CHL1: variants seen among roughly 807,000 people sequenced by gnomAD.
CHL1 encodes neural cell adhesion molecule L1-like protein.
A neutral mutation model predicts 141.9 loss-of-function variants in CHL1; 96 were observed. That is an observed-to-expected ratio of 0.68 (90% CI 0.57 to 0.80). The LOEUF (loss-of-function observed/expected upper bound fraction) is 0.80. Among genes scored for constraint, CHL1 ranks in the 30% least tolerant of loss-of-function variants. The probability of loss-of-function intolerance (pLI) is 0.00; values close to 1 mark genes in which losing one functional copy is unlikely to be tolerated. For missense variants in CHL1, 1,820 were observed against 1,457.2 expected, an observed-to-expected ratio of 1.25 and a Z score of -4.05; for synonymous variants, 613 against 502.2, an observed-to-expected ratio of 1.22 and a Z score of -2.95.
rs759398519 is a variant in CHL1 at position 389,313 on chromosome 3, A to C, written c.2309A>C (p.Gln770Pro). Residue 770 changes from glutamine to proline, a missense_variant, in exon 20 of 28, where the codon CAG (glutamine) becomes CCG (proline). Coordinates refer to ENST00000256509, the MANE Select transcript of CHL1 (RefSeq NM_006614.4). ...GLEYRVTWKP[Q>P]GAPVEWEEET... ...GAGTACAGAGTGACCTGGAAGCCAC[A>C]GGGAGCCCCAGTGGAGTGGGAAGAA... The C allele has an allele frequency of 2.8e-5, 45 of 1,614,122 alleles. No individual in the cohort carries two copies. The highest frequency in any genetic ancestry group is 3.4e-5 in the Non-Finnish European group (40 of 1,180,002).
intron 2 of CHL1, among the ~76,000 whole-genome samples, chr3:249,060 T>C (rs1227915961): frequency 6.6e-6 from 1 of 152,212 alleles, no homozygotes; most frequent in East Asian, 1.9e-4. Flanking sequence ...ATGTAAAACA[T>C]TGACACAAAT....
intron 27 of CHL1, among the ~76,000 whole-genome samples, chr3:403,085 C>G (rs1037567177): frequency 2.6e-5 from 4 of 152,144 alleles, no homozygotes; most frequent in Admixed American, 2.6e-4. Flanking sequence ...CATTCCTAGG[C>G]CATTCGTGTG....
chr3:254,414 C>A (rs1693972954), intron 2 of CHL1, among the ~76,000 whole-genome samples: 1 of 152,166 alleles, frequency 6.6e-6, no homozygotes, highest in Non-Finnish European at 1.5e-5. Context: ...CTGATACCCA[C>A]TGAAACTGGG....
chr3:315,447 A>T (rs1452715075), intron 2 of CHL1, among the ~76,000 whole-genome samples: 1 of 152,138 alleles, frequency 6.6e-6, no homozygotes, highest in Non-Finnish European at 1.5e-5. Context: ...TCTCTCCTCC[A>T]TTTCTCAAGG....
chr3:306,703 TG>T (rs1699257417), intron 2 of CHL1, among the ~76,000 whole-genome samples: 1 of 151,998 alleles, frequency 6.6e-6, no homozygotes, highest in Non-Finnish European at 1.5e-5. Flanking sequence ...AAAAAAATAA[TG>T]CAAAAAATAA....
Position 243,878 on chromosome 3 carries a change from C to G in CHL1, c.-174-735C>G, listed in dbSNP as rs1015952959. On this transcript the variant is annotated intron_variant, in intron 1 of 27. Transcript: ENST00000256509. ...CAGCTGGTATGCAAAAAAATGTTGA[C>G]TTATTCCAATCGTTCTGATGCCTAA... Among the ~76,000 whole-genome samples the G allele has an allele frequency of 4.6e-5, 7 of 152,256 alleles. No individual in the cohort carries two copies. In the South Asian group the frequency reaches 8.3e-4, roughly 18 times the overall value.
intron 1 of CHL1, among the ~76,000 whole-genome samples, chr3:214,959 C>T (rs1041829343): frequency 2.2e-5 from 1 of 46,280 alleles, no homozygotes; most frequent in Non-Finnish European, 4.5e-5. Context: ...TGCACGTGCA[C>T]ACACACACAC....
intron 1 of CHL1, among the ~76,000 whole-genome samples, chr3:241,844 A>T (rs1692597747): frequency 6.7e-6 from 1 of 149,482 alleles, no homozygotes; most frequent in East Asian, 2.0e-4. Context: ...ACTTTGAAAA[A>T]AAAACAACTT....
intron 2 of CHL1, among the ~76,000 whole-genome samples, chr3:298,057 T>A (rs1336170368): frequency 6.6e-6 from 1 of 152,228 alleles, no homozygotes; most frequent in East Asian, 1.9e-4. Flanking sequence ...TTCTTCTACC[T>A]GAGTGTATAT....
intron 1 of CHL1, among the ~76,000 whole-genome samples, chr3:199,600 T>A (rs1209692127): frequency 2.0e-5 from 3 of 152,234 alleles, no homozygotes; most frequent in Non-Finnish European, 4.4e-5. Flanking sequence ...TTTAAATAAA[T>A]TTTTAAAATC....
chr3:230,502 CTT>C (rs551069917), intron 1 of CHL1, among the ~76,000 whole-genome samples: 5 of 145,424 alleles, frequency 3.4e-5, no homozygotes, highest in Admixed American at 6.9e-5. Flanking sequence ...AAGTATAAAC[CTT>C]TTTTTTTTTT....
At chr3:302,230 G>A (rs1698816775) in intron 2 of CHL1, among the ~76,000 whole-genome samples, 1 of 152,120 alleles carries the variant, frequency 6.6e-6, no homozygotes, top group African/African-American at 2.4e-5. Context: ...GTCTATCGTA[G>A]AATGATTTAT....
intron 3 of CHL1, among the ~76,000 whole-genome samples, chr3:325,637 T>C (rs1176793806): frequency 6.6e-6 from 1 of 152,072 alleles, no homozygotes; most frequent in Non-Finnish European, 1.5e-5. Context: ...CATGCTAACA[T>C]AGATTGAATG....
intron 2 of CHL1, among the ~76,000 whole-genome samples, chr3:272,507 C>T (rs995831281): frequency 2.6e-5 from 4 of 152,056 alleles, no homozygotes; most frequent in Admixed American, 2.6e-4. Flanking sequence ...TAATTAAGAC[C>T]CATATTCTGT....
At chr3:355,652 G>A (rs1162227968) in intron 11 of CHL1, among the ~76,000 whole-genome samples, 2 of 152,184 alleles carry the variant, frequency 1.3e-5, no homozygotes, top group Non-Finnish European at 2.9e-5. Flanking sequence ...CAGACCTCGG[G>A]TCCCGTCTAG....
At chr3:384,275 T>C (rs1278301680) in intron 19 of CHL1, 1 of 155,514 alleles carries the variant, frequency 6.4e-6, no homozygotes, top group East Asian at 1.9e-4. Context: ...CCATAAAGTA[T>C]TCACTACTCA....
intron 2 of CHL1, among the ~76,000 whole-genome samples, chr3:287,119 G>C (rs1697224877): frequency 6.6e-6 from 1 of 152,116 alleles, no homozygotes; most frequent in Non-Finnish European, 1.5e-5. Flanking sequence ...CCCCATTCAA[G>C]ATGGAGTTGC....
intron 26 of CHL1, among the ~76,000 whole-genome samples, chr3:400,783 CAG>C (rs951495593): frequency 6.6e-6 from 1 of 151,026 alleles, no homozygotes; most frequent in African/African-American, 2.4e-5. Flanking sequence ...GCCTGGGCGA[CAG>C]AGTGAGACTG....
At position 356,626 on chromosome 3, in the gene CHL1, C is replaced by A. The variant is rs138063370; in HGVS notation, c.1165+1855C>A. Among the ~76,000 whole-genome samples the A allele has an allele frequency of 3.0e-3, 457 of 152,208 alleles. 1 individual carries two copies. Among genetic ancestry groups the A allele is most frequent in the African/African-American group, 0.01 (423 of 41,522 alleles). ...CAATCTTAAGATCATAATAGTAAGA[C>A]CCCTGTGGTAATTTACCTTTGAGTG... On this transcript the variant is annotated intron_variant, in intron 11 of 27. Transcript: ENST00000256509.
Sources: gnomAD v4.1 joint callset for allele counts (sites outside exome capture counted in the v4.1 genomes callset) on GRCh38, gnomAD v4.1.1 for gene constraint, MANE v1.5 for transcripts, NCBI Gene and HGNC (gene_info 2026-07-23, HGNC 2026-07-21) for gene names.